RIC1: variants seen among roughly 807,000 people sequenced by gnomAD.
RIC1 encodes guanine nucleotide exchange factor subunit RIC1.
In RIC1, 88 loss-of-function variants were observed where a neutral mutation model predicts 169.0. That is an observed-to-expected ratio of 0.52 (90% CI 0.44 to 0.62). The LOEUF is 0.62. RIC1 is among the 20% of genes least tolerant of loss of function. RIC1 has a pLI of 0.00. For missense variants in RIC1, 1,877 were observed against 1,725.5 expected, an observed-to-expected ratio of 1.09 and a Z score of -1.56; for synonymous variants, 790 against 601.5, an observed-to-expected ratio of 1.31 and a Z score of -4.59.
intron 22 of RIC1, chr9:5,769,528 T>C: frequency 2.6e-6 from 3 of 1,172,256 alleles, no homozygotes; most frequent in African/African-American, 1.6e-5. Flanking sequence ...ACTGCCTGAA[T>C]ATAAAAGCTA....
At chr9:5,676,715 C>T (rs1309080113) in intron 2 of RIC1, among the ~76,000 whole-genome samples, 1 of 152,156 alleles carries the variant, frequency 6.6e-6, no homozygotes, top group East Asian at 1.9e-4. Context: ...TAAGAATCCC[C>T]ACCTCTCTCA....
At chr9:5,635,473 G>C (rs1256992313) in intron 1 of RIC1, among the ~76,000 whole-genome samples, 2 of 152,150 alleles carry the variant, frequency 1.3e-5, no homozygotes, top group East Asian at 3.8e-4. Flanking sequence ...TTAGCACTTT[G>C]TGAAAGATTG....
chr9:5,702,112 A>G (rs1391317358), intron 3 of RIC1, among the ~76,000 whole-genome samples: 1 of 152,222 alleles, frequency 6.6e-6, no homozygotes, highest in Non-Finnish European at 1.5e-5. Flanking sequence ...TATTAAGGGG[A>G]CAAAAGCTAA....
chr9:5,680,794 C>G (rs1004506821), intron 2 of RIC1, among the ~76,000 whole-genome samples: 2 of 148,748 alleles, frequency 1.3e-5, no homozygotes, highest in African/African-American at 2.5e-5. Context: ...CTTTCCAGAA[C>G]ACCAGCTCCT....
intron 2 of RIC1, among the ~76,000 whole-genome samples, chr9:5,673,559 A>ATATATATATATATATATATATATATATAT (rs1554663256): frequency 7.6e-5 from 7 of 92,706 alleles, no homozygotes; most frequent in African/African-American, 3.1e-4. Context: ...TATATATATA[A>ATATATATATATATATATATATATATATAT]ATAAATGTTG....
chr9:5,766,092 A>C (rs981428900), intron 21 of RIC1, among the ~76,000 whole-genome samples: 6 of 152,194 alleles, frequency 3.9e-5, no homozygotes, highest in Admixed American at 3.9e-4. Context: ...CCCAGGCTGG[A>C]ATGCAGTGGC....
chr9:5,666,642 G>A (rs935940529), intron 2 of RIC1, among the ~76,000 whole-genome samples: 1 of 152,118 alleles, frequency 6.6e-6, no homozygotes, highest in Non-Finnish European at 1.5e-5. Flanking sequence ...ATTGAGAAAC[G>A]TGGATTTTTT....
chr9:5,687,253 TG>T (rs1232464350), intron 2 of RIC1, among the ~76,000 whole-genome samples: 1 of 152,178 alleles, frequency 6.6e-6, no homozygotes, highest in East Asian at 1.9e-4. Flanking sequence ...TCAGTTTTAG[TG>T]ATCTTCTAAA....
rs1314059209 is a variant in RIC1 at position 5,720,721 on chromosome 9, A to ACACCAGTGT, written c.694_702dup (p.Pro232_Ser234dup). ...TAATGATGGTAAAGTTGGATTTATT[A>ACACCAGTGT]CACCAGTGTCAAGTAGATTTACTGC... is the stretch of plus-strand genomic sequence containing the variant. On this transcript the variant is annotated inframe_insertion, in exon 6 of 26. Transcript: ENST00000414202. The ACACCAGTGT allele has an allele frequency of 6.2e-7, 1 of 1,610,838 alleles. No individual in the cohort carries two copies. The highest frequency in any genetic ancestry group is 1.3e-5 in the African/African-American group (1 of 74,734).
chr9:5,677,824 T>G (rs1820545143), intron 2 of RIC1, among the ~76,000 whole-genome samples: 1 of 152,082 alleles, frequency 6.6e-6, no homozygotes, highest in Non-Finnish European at 1.5e-5. Flanking sequence ...CAAACATTTT[T>G]CTCACCATGT....
intron 1 of RIC1, among the ~76,000 whole-genome samples, chr9:5,633,981 T>C (rs2130240320): frequency 6.6e-6 from 1 of 152,322 alleles, no homozygotes. Context: ...ATATATGAGA[T>C]CATGAAGTTG....
At chr9:5,768,610 C>T (rs1374106612) in intron 21 of RIC1, among the ~76,000 whole-genome samples, 4 of 152,170 alleles carry the variant, frequency 2.6e-5, no homozygotes, top group Admixed American at 6.5e-5. Flanking sequence ...CCTCTCTATC[C>T]TTAGTTTCTT....
At chr9:5,678,108 T>C (rs867105723) in intron 2 of RIC1, among the ~76,000 whole-genome samples, 2 of 152,146 alleles carry the variant, frequency 1.3e-5, no homozygotes, top group Non-Finnish European at 2.9e-5. Context: ...TTTGTTTTTT[T>C]GTCCTTGGGA....
At chr9:5,750,689 G>T (rs1411395455) in intron 12 of RIC1, among the ~76,000 whole-genome samples, 1 of 151,830 alleles carries the variant, frequency 6.6e-6, no homozygotes, top group Non-Finnish European at 1.5e-5. Context: ...TAAGGGTAGA[G>T]TTTCTGTACC....
At chr9:5,700,753 G>T (rs1021578532) in intron 3 of RIC1, among the ~76,000 whole-genome samples, 1 of 152,164 alleles carries the variant, frequency 6.6e-6, no homozygotes, top group Non-Finnish European at 1.5e-5. Context: ...AACAAAGCTT[G>T]TGGGAAAATC....
chr9:5,736,882 G>T (rs190821044), intron 7 of RIC1, among the ~76,000 whole-genome samples: 1 of 152,048 alleles, frequency 6.6e-6, no homozygotes, highest in Admixed American at 6.6e-5. Context: ...ACTATTGCAG[G>T]TCTTTTAGTT....
At chr9:5,650,131 G>A (rs1474331305) in intron 1 of RIC1, among the ~76,000 whole-genome samples, 7 of 152,130 alleles carry the variant, frequency 4.6e-5, no homozygotes, top group Non-Finnish European at 8.8e-5. Flanking sequence ...GTGTTAGCAG[G>A]TTTAATTGGG....
chr9:5,773,222 C>G (rs1827351343), intron 25 of RIC1, 142 bp downstream of exon 25: 1 of 294,904 alleles, frequency 3.4e-6, no homozygotes, highest in African/African-American at 2.2e-5. Flanking sequence ...CATTTTTAAG[C>G]TACTTTCTTT....
At chr9:5,765,936 G>C (rs1826705615) in intron 21 of RIC1, 138 bp downstream of exon 21, 1 of 1,065,630 alleles carries the variant, frequency 9.4e-7, no homozygotes, top group African/African-American at 1.6e-5. Flanking sequence ...AAAAAGCAGA[G>C]GCCACACAGA....
Sources: gnomAD v4.1 joint callset for allele counts (sites outside exome capture counted in the v4.1 genomes callset) on GRCh38, gnomAD v4.1.1 for gene constraint, MANE v1.5 for transcripts, NCBI Gene and HGNC (gene_info 2026-07-23, HGNC 2026-07-21) for gene names.